RIN2: variants seen among roughly 807,000 people sequenced by gnomAD.
The protein encoded by RIN2 is Ras and Rab interactor 2.
RIN2 carries 36 observed loss-of-function variants against 78.0 expected under a neutral mutation model. That is an observed-to-expected ratio of 0.46 (90% confidence interval 0.35 to 0.61). The LOEUF is 0.61. Ranked by LOEUF, RIN2 falls within the 20% of genes least tolerant of loss-of-function variation. RIN2 has a pLI of 0.00. For synonymous variants in RIN2, 466 were observed against 466.8 expected, an observed-to-expected ratio of 1.00 and a Z score of 0.02; for missense variants, 1,087 against 1,159.7, an observed-to-expected ratio of 0.94 and a Z score of 0.91.
At chr20:19,952,441 G>T (rs1271165720) in intron 4 of RIN2, among the ~76,000 whole-genome samples, 1 of 152,220 alleles carries the variant, frequency 6.6e-6, no homozygotes, top group Non-Finnish European at 1.5e-5. Context: ...AAGCCAATTT[G>T]TCCTGTAATA....
intron 10 of RIN2, among the ~76,000 whole-genome samples, chr20:19,991,090 A>G (rs944854510): frequency 1.3e-5 from 2 of 152,132 alleles, no homozygotes; most frequent in African/African-American, 4.8e-5. Context: ...TTTTCTTCTG[A>G]GTGAAATTGC....
At chr20:19,942,283 A>G (rs1385264932) in intron 4 of RIN2, among the ~76,000 whole-genome samples, 1 of 152,214 alleles carries the variant, frequency 6.6e-6, no homozygotes, top group African/African-American at 2.4e-5. Flanking sequence ...AGAGGAGGAC[A>G]GCAGATGTCC....
intron 3 of RIN2, 33 bp downstream of exon 3, chr20:19,889,691 G>T: frequency 7.0e-7 from 1 of 1,430,374 alleles, no homozygotes; most frequent in South Asian, 1.5e-5. Flanking sequence ...ATCTCAACTC[G>T]TCGGCTTGCT....
intron 2 of RIN2, among the ~76,000 whole-genome samples, chr20:19,861,683 C>T (rs755212634): frequency 1.0e-4 from 15 of 150,714 alleles, no homozygotes; most frequent in South Asian, 2.1e-4. Context: ...GATGACCCTC[C>T]GTATCTGATC....
intron 2 of RIN2, among the ~76,000 whole-genome samples, chr20:19,808,755 C>A (rs189014004): frequency 6.9e-4 from 105 of 152,336 alleles, no homozygotes; most frequent in Admixed American, 2.5e-3. Context: ...TACTCAGCTG[C>A]TGCTGGCCCC....
intron 4 of RIN2, among the ~76,000 whole-genome samples, chr20:19,943,323 C>T (rs1345716532): frequency 2.6e-5 from 4 of 152,196 alleles, no homozygotes; most frequent in Non-Finnish European, 4.4e-5. Context: ...GAAATGGCAG[C>T]GTCTCCCTGG....
At chr20:19,897,977 G>C (rs1308468736) in intron 3 of RIN2, among the ~76,000 whole-genome samples, 1 of 152,206 alleles carries the variant, frequency 6.6e-6, no homozygotes, top group African/African-American at 2.4e-5. Flanking sequence ...GCCTCCCAAA[G>C]TGCTGGGATT....
chr20:19,933,500 T>C (rs1014215262), intron 3 of RIN2, among the ~76,000 whole-genome samples: 4 of 151,974 alleles, frequency 2.6e-5, no homozygotes, highest in African/African-American at 4.8e-5. Context: ...ATTCTGGAAC[T>C]GCTCAGTGCT....
intron 3 of RIN2, among the ~76,000 whole-genome samples, chr20:19,908,240 C>A (rs565332754): frequency 7.2e-5 from 11 of 152,170 alleles, no homozygotes; most frequent in Middle Eastern, 3.4e-3. Context: ...ACCTACAATC[C>A]CAGCACTTTG....
At chr20:19,814,648 G>A (rs2035709267) in intron 2 of RIN2, among the ~76,000 whole-genome samples, 3 of 152,076 alleles carry the variant, frequency 2.0e-5, no homozygotes, top group African/African-American at 7.2e-5. Context: ...CATCCAGGCT[G>A]GAGTGCAGTG....
intron 2 of RIN2, among the ~76,000 whole-genome samples, chr20:19,810,430 C>T (rs989442635): frequency 6.6e-6 from 1 of 151,710 alleles, no homozygotes; most frequent in African/African-American, 2.4e-5. Context: ...AAAGAAGTGC[C>T]AAGAGTACCA....
intron 2 of RIN2, among the ~76,000 whole-genome samples, chr20:19,875,956 G>A (rs2037842746): frequency 6.6e-6 from 1 of 152,234 alleles, no homozygotes; most frequent in Non-Finnish European, 1.5e-5. Flanking sequence ...TGACTGATGT[G>A]AGGAGGAAAG....
chr20:19,979,878 A>G (rs565066628), intron 9 of RIN2, among the ~76,000 whole-genome samples: 6 of 152,032 alleles, frequency 3.9e-5, no homozygotes, highest in African/African-American at 1.4e-4. Context: ...CCCAGTCTCT[A>G]CTAAAAATAC....
intron 9 of RIN2, among the ~76,000 whole-genome samples, chr20:19,978,034 G>T (rs894988944): frequency 2.0e-5 from 3 of 152,010 alleles, no homozygotes; most frequent in Non-Finnish European, 4.4e-5. Flanking sequence ...GGAAAGATGC[G>T]ACCCTAACTA....
chr20:19,907,391 G>A (rs6112649), intron 3 of RIN2, among the ~76,000 whole-genome samples: 4,007 of 152,288 alleles, frequency 0.026, 173 homozygotes, highest in African/African-American at 0.09. Context: ...GCAGCTCTAG[G>A]GGAGGCAGCT....
intron 2 of RIN2, among the ~76,000 whole-genome samples, chr20:19,848,244 C>T (rs1039683258): frequency 6.6e-6 from 1 of 152,074 alleles, no homozygotes; most frequent in Non-Finnish European, 1.5e-5. Context: ...TTAAAAAGAG[C>T]AGGGTCTCGG....
At chr20:19,780,777 A>C (rs1332674038) in intron 1 of RIN2, among the ~76,000 whole-genome samples, 3 of 152,234 alleles carry the variant, frequency 2.0e-5, no homozygotes, top group African/African-American at 7.2e-5. Flanking sequence ...CATATGTAAA[A>C]TGAAAATAAG....
At chr20:19,757,689 CA>C, upstream of RIN2, 1 of 152,500 alleles carries the variant, frequency 6.6e-6, no homozygotes, top group East Asian at 1.9e-4. Flanking sequence ...GCCCCTGCAA[CA>C]GATCCCGGGA....
At chr20:19,845,053 G>C (rs1461426859) in intron 2 of RIN2, among the ~76,000 whole-genome samples, 1 of 152,104 alleles carries the variant, frequency 6.6e-6, no homozygotes, top group Non-Finnish European at 1.5e-5. Context: ...TCCCTGCAAA[G>C]GACATGACCT....
Sources: allele counts gnomAD v4.1 joint callset (sites outside exome capture counted in the v4.1 genomes callset), GRCh38; gene constraint gnomAD v4.1.1; transcripts MANE v1.5; gene names NCBI Gene and HGNC (gene_info 2026-07-23, HGNC 2026-07-21).